Variants in EVI5 observed in about 807,000 individuals in gnomAD.
The protein encoded by EVI5 is ecotropic viral integration site 5.
In EVI5, 73 loss-of-function variants were observed where a neutral mutation model predicts 112.0. The observed-to-expected ratio is 0.65, with a 90% CI of 0.54 to 0.79. The LOEUF (loss-of-function observed/expected upper bound fraction) is 0.79, where lower values mean the gene tolerates loss of function less well. Among genes scored for constraint, EVI5 ranks in the 30% least tolerant of loss-of-function variants. The probability of loss-of-function intolerance (pLI) is 0.00; values close to 1 mark genes in which losing one functional copy is unlikely to be tolerated. For missense variants in EVI5, 900 were observed against 968.8 expected (o/e 0.93, Z 0.94); for synonymous variants, 305 against 319.9 (o/e 0.95, Z 0.50).
At chr1:92,783,502 A>G (rs1379089212) in intron 1 of EVI5, among the ~76,000 whole-genome samples, 2 of 148,894 alleles carry the variant, frequency 1.3e-5, no homozygotes, top group African/African-American at 4.9e-5. Context: ...AAAAAAAAAA[A>G]AAAAAGAAAA....
chr1:92,702,803 T>C (rs1025011735), intron 4 of EVI5, among the ~76,000 whole-genome samples: 4 of 54,960 alleles, frequency 7.3e-5, no homozygotes, highest in Non-Finnish European at 1.4e-4. Flanking sequence ...TGCAACTCCA[T>C]CTCAAAAAAA....
At chr1:92,723,780 G>C (rs1675122179) in intron 2 of EVI5, among the ~76,000 whole-genome samples, 1 of 152,184 alleles carries the variant, frequency 6.6e-6, no homozygotes, top group African/African-American at 2.4e-5. Context: ...TTTTCTTCTT[G>C]CAGAAAGTGA....
intron 18 of EVI5, among the ~76,000 whole-genome samples, chr1:92,604,908 T>C (rs1212324787): frequency 6.6e-6 from 1 of 152,184 alleles, no homozygotes; most frequent in Admixed American, 6.5e-5. Context: ...AGCATATGAC[T>C]GTATTGTATG....
chr1:92,717,714 T>C (rs929324859), intron 2 of EVI5, among the ~76,000 whole-genome samples: 1 of 152,056 alleles, frequency 6.6e-6, no homozygotes, highest in African/African-American at 2.4e-5. Context: ...TAAATGTAAA[T>C]GGGCTAAATG....
intron 13 of EVI5, among the ~76,000 whole-genome samples, chr1:92,642,845 G>A (rs10747446): frequency 0.61 from 92,882 of 152,050 alleles, 29,191 homozygotes; most frequent in East Asian, 0.92. Context: ...AACTTCAAAC[G>A]GCAGTCATTT....
intron 19 of EVI5, among the ~76,000 whole-genome samples, chr1:92,525,456 A>G (rs1175371145): frequency 6.6e-6 from 1 of 151,896 alleles, no homozygotes; most frequent in Non-Finnish European, 1.5e-5. Context: ...TTTAGTAAAG[A>G]TGGGGTTTTG....
At chr1:92,592,939 A>T (rs1305742993) in intron 18 of EVI5, among the ~76,000 whole-genome samples, 2 of 152,170 alleles carry the variant, frequency 1.3e-5, no homozygotes, top group African/African-American at 4.8e-5. Context: ...TAGCTTACCA[A>T]CCAAAAAAAG....
intron 13 of EVI5, among the ~76,000 whole-genome samples, chr1:92,654,771 A>G (rs546179409): frequency 5.9e-5 from 9 of 152,194 alleles, no homozygotes; most frequent in Non-Finnish European, 1.3e-4. Flanking sequence ...GAAAATCAAC[A>G]CCAAGAAATC....
At chr1:92,658,361 T>C (rs894453139) in intron 13 of EVI5, among the ~76,000 whole-genome samples, 1 of 152,318 alleles carries the variant, frequency 6.6e-6, no homozygotes, top group Admixed American at 6.5e-5. Context: ...AAAAGGCTCT[T>C]AGATTTGATA....
intron 2 of EVI5, among the ~76,000 whole-genome samples, chr1:92,735,904 A>G (rs1308786658): frequency 6.8e-6 from 1 of 147,596 alleles, no homozygotes; most frequent in Non-Finnish European, 1.5e-5. Flanking sequence ...GCCTCTGACA[A>G]TAACATGGTA....
At chr1:92,663,329 C>T in intron 12 of EVI5, 91 bp downstream of exon 12, 1 of 545,474 alleles carries the variant, frequency 1.8e-6, no homozygotes, top group South Asian at 3.4e-5. Context: ...TGTAAAATTG[C>T]ATGCATTAAA....
chr1:92,679,203 G>A (rs1480444765), intron 9 of EVI5, among the ~76,000 whole-genome samples: 1 of 152,132 alleles, frequency 6.6e-6, no homozygotes, highest in Non-Finnish European at 1.5e-5. Context: ...CTGATGATCT[G>A]ACATGAGGTG....
chr1:92,736,679 C>A (rs780228106), intron 1 of EVI5, 52 bp from the exon 2 acceptor site: 1 of 1,115,534 alleles, frequency 9.0e-7, no homozygotes. Flanking sequence ...GTATTCATTA[C>A]CGAGAACTTA....
chr1:92,556,838 G>T (rs1667753878), intron 19 of EVI5, among the ~76,000 whole-genome samples: 1 of 151,128 alleles, frequency 6.6e-6, no homozygotes. Flanking sequence ...TAGAGTTAGG[G>T]TCTCACTGTC....
chr1:92,783,321 T>G (rs1390006322), intron 1 of EVI5, among the ~76,000 whole-genome samples: 1 of 145,510 alleles, frequency 6.9e-6, no homozygotes, highest in Non-Finnish European at 1.5e-5. Flanking sequence ...AGGTCAGGAG[T>G]TCGAGACCAG....
intron 1 of EVI5, among the ~76,000 whole-genome samples, chr1:92,757,147 T>C (rs1051607617): frequency 1.3e-5 from 2 of 152,194 alleles, no homozygotes; most frequent in Non-Finnish European, 2.9e-5. Flanking sequence ...ACAAACACTT[T>C]GACGGTGCGT....
chr1:92,560,423 G>A (rs1668342022), intron 19 of EVI5, among the ~76,000 whole-genome samples: 1 of 152,194 alleles, frequency 6.6e-6, no homozygotes, highest in African/African-American at 2.4e-5. Flanking sequence ...AGTATGAACA[G>A]GGCTCTTGGG....
At chr1:92,589,609 A>G (rs1280555347) in intron 18 of EVI5, among the ~76,000 whole-genome samples, 1 of 152,164 alleles carries the variant, frequency 6.6e-6, no homozygotes, top group Admixed American at 6.5e-5. Context: ...GGTAAACAAC[A>G]CAGCCGAGAA....
intron 9 of EVI5, among the ~76,000 whole-genome samples, chr1:92,687,008 C>A (rs1192537701): frequency 2.0e-5 from 3 of 152,114 alleles, no homozygotes; most frequent in African/African-American, 4.8e-5. Flanking sequence ...CAAGCTACCA[C>A]TGGTTTTCTT....
Sources: allele counts gnomAD v4.1 joint callset (sites outside exome capture counted in the v4.1 genomes callset), GRCh38; gene constraint gnomAD v4.1.1; transcripts MANE v1.5; gene names NCBI Gene and HGNC (gene_info 2026-07-23, HGNC 2026-07-21).